The following PTDSS2 variants were observed in gnomAD, a reference collection of about 807,000 sequenced individuals.
PTDSS2 encodes the protein phosphatidylserine synthase 2.
Under a neutral mutation model 64.7 loss-of-function variants are expected in PTDSS2, and 41 were observed. The observed-to-expected ratio is 0.63, with a 90% CI of 0.49 to 0.82. PTDSS2 has a LOEUF of 0.82. Among genes scored for constraint, PTDSS2 ranks in the 40% least tolerant of loss-of-function variants. The pLI is 0.00. For missense variants in PTDSS2, 485 were observed against 650.0 expected (o/e 0.75, Z 2.76); for synonymous variants, 297 against 277.8 (o/e 1.07, Z -0.69).
At chr11:453,308 A>C (rs1023700223) in intron 1 of PTDSS2, among the ~76,000 whole-genome samples, 1 of 152,030 alleles carries the variant, frequency 6.6e-6, no homozygotes, top group East Asian at 1.9e-4. Context: ...CGGTCTGGAA[A>C]TTGTTTGGGA....
At chr11:483,823 C>T (rs374486065) in intron 4 of PTDSS2, among the ~76,000 whole-genome samples, 1 of 152,096 alleles carries the variant, frequency 6.6e-6, no homozygotes, top group Non-Finnish European at 1.5e-5. Context: ...GGATGTCTGA[C>T]GTTTTCTCAG....
At position 476,097 on chromosome 11, in the gene PTDSS2, G is replaced by A. The variant is rs1386886127; in HGVS notation, c.367+2120G>A. 2.6e-5 allele frequency among the ~76,000 whole-genome samples: 4 copies of A among 152,208 alleles called. No homozygotes were observed. The highest frequency in any genetic ancestry group is 4.8e-5 in the African/African-American group (2 of 41,456). ...AGGGAGCCGTCCGGTGACCCAAGCA[G>A]GCTGGTCTTGCTGGCCCCTTCCTTG... On this transcript the variant is annotated intron_variant, in intron 3 of 11. Transcript: ENST00000308020. The surrounding 1 kb of genome is among the most constrained non-coding windows in gnomAD (Gnocchi z 4.9).
At chr11:475,791 A>C (rs183923919) in intron 3 of PTDSS2, among the ~76,000 whole-genome samples, 87 of 152,356 alleles carry the variant, frequency 5.7e-4, no homozygotes, top group Non-Finnish European at 8.1e-4. Flanking sequence ...AGAATGTACT[A>C]CATTTAACTA....
intron 1 of PTDSS2, chr11:459,875 CTTAAT>C: frequency 2.7e-6 from 1 of 369,642 alleles, no homozygotes; most frequent in Non-Finnish European, 5.1e-6. Flanking sequence ...TCCAGTTGCT[CTTAAT>C]AGCAGATACC....
At position 489,888 on chromosome 11, in the gene PTDSS2, C is replaced by A; in HGVS notation, c.1121C>A (p.Pro374His). Reference protein sequence around the residue: ...EIYDFMDDPKPHKKLGPQAWL... With the variant: ...EIYDFMDDPKHHKKLGPQAWL... ...ACCCCCTGCTGCCCCTGCAGGAAGCCCCACAAGAAGCTGGGCCCGCAGGCC... is the reference window on the plus strand; with the variant it reads ...ACCCCCTGCTGCCCCTGCAGGAAGCACCACAAGAAGCTGGGCCCGCAGGCC... The change falls in exon 11 of 12, where the codon CCC (proline) becomes CAC (histidine). Residue 374 changes from proline (P) to histidine (H), a missense_variant. Transcript: ENST00000308020. The A allele has an allele frequency of 6.3e-7, 1 of 1,587,240 alleles. No homozygotes were observed. The highest frequency in any genetic ancestry group is 8.6e-7 in the Non-Finnish European group (1 of 1,169,216).
At chr11:489,059 C>G (rs1848541975) in intron 8 of PTDSS2, among the ~76,000 whole-genome samples, 1 of 152,276 alleles carries the variant, frequency 6.6e-6, no homozygotes. Flanking sequence ...TGCCCCGGCT[C>G]TGCCTGGCTC....
At chr11:448,598 G>A (rs961894650), upstream of PTDSS2, among the ~76,000 whole-genome samples, 6 of 152,198 alleles carry the variant, frequency 3.9e-5, no homozygotes, top group African/African-American at 1.4e-4. Flanking sequence ...GGCCAGGCCT[G>A]GGGAGGCCCA....
intron 5 of PTDSS2, 139 bp from the exon 6 acceptor site, chr11:487,281 A>G (rs1457964227): frequency 1.2e-5 from 12 of 974,776 alleles, no homozygotes; most frequent in African/African-American, 3.2e-5. Flanking sequence ...TGGTCTCCAC[A>G]GGCCACGGCA....
At chr11:488,781 G>C (rs1848525747) in intron 8 of PTDSS2, 134 bp downstream of exon 8, 3 of 689,908 alleles carry the variant, frequency 4.3e-6, no homozygotes, top group Non-Finnish European at 7.8e-6. Context: ...GTGGGGCTTT[G>C]CCTCCTGGAA....
chr11:469,976 T>C (rs1847343733), intron 2 of PTDSS2, among the ~76,000 whole-genome samples: 1 of 152,016 alleles, frequency 6.6e-6, no homozygotes, highest in Non-Finnish European at 1.5e-5. Context: ...AAAATAAACA[T>C]CCACGAGCCC....
At chr11:487,186 G>A in intron 5 of PTDSS2, 113 bp downstream of exon 5, 1 of 1,143,720 alleles carries the variant, frequency 8.7e-7, no homozygotes, top group Admixed American at 2.1e-5. Flanking sequence ...GGGGTCTCCT[G>A]GTGCAGAGAT....
chr11:488,126 G>A (rs1848485673), intron 6 of PTDSS2, 73 bp from the exon 7 acceptor site: 1 of 1,142,976 alleles, frequency 8.7e-7, no homozygotes, highest in Non-Finnish European at 1.3e-6. Context: ...GCCGGGGTGG[G>A]GGCTGCACGC....
intron 2 of PTDSS2, 148 bp from the exon 3 acceptor site, chr11:473,747 A>AGGCAAATGT (rs1199817836): frequency 1.5e-6 from 1 of 672,572 alleles, no homozygotes; most frequent in African/African-American, 1.8e-5. Context: ...CCCGCGGCGG[A>AGGCAAATGT]GTCGCCCAGC....
At chr11:450,248 C>T (rs1212054297), upstream of PTDSS2, 2 of 381,102 alleles carry the variant, frequency 5.2e-6, no homozygotes, top group Non-Finnish European at 9.2e-6. Flanking sequence ...GACCACAAGG[C>T]CCAGCATGCC....
chr11:489,994 C>T lies in PTDSS2; in HGVS notation c.1227C>T (p.Pro409=), dbSNP rs1227841695. 3 of 1,612,334 alleles carry T rather than the reference C, an allele frequency of 1.9e-6. No homozygotes were observed. Among genetic ancestry groups the T allele is most frequent in the Admixed American group, 1.7e-5 (1 of 60,024 alleles). The change falls in exon 11 of 12, where the codon CCC becomes CCT. Residue 409 remains proline (P), a synonymous_variant. Coordinates refer to ENST00000308020, the MANE Select transcript of PTDSS2 (RefSeq NM_030783.3). ...CCCACACGCTCACCCTGTCCCTGCC[C>T]TTCTACATCTCCCAGTGCTGGACCC... ...YDPHTLTLSL[P]FYISQCWTLG...
rs34809643 is a variant in PTDSS2 at position 488,541 on chromosome 11, G to A, written c.748G>A (p.Val250Met). ...CCCCTCCCTGCAGTGGATCATGGAC[G>A]TGCTCGTCTGCAACGGGCTGGGCAT... The part of the protein sequence containing the change: ...ECWWDHWIMD[V>M]LVCNGLGIYC... Residue 250 changes from valine (V) to methionine (M), a missense_variant, in exon 8 of 12, where the codon GTG becomes ATG. This residue lies in a region of PTDSS2 where 251 missense variants were observed against 348.0 expected (regional missense o/e 0.72). Transcript: ENST00000308020. The A allele has an allele frequency of 2.8e-3, 4,545 of 1,613,298 alleles. 8 individuals carry two copies. Among genetic ancestry groups the A allele is most frequent in the Admixed American group, 5.4e-3 (322 of 60,028 alleles).
intron 6 of PTDSS2, 108 bp from the exon 7 acceptor site, chr11:488,091 C>T: frequency 1.3e-6 from 1 of 763,444 alleles, no homozygotes; most frequent in Middle Eastern, 3.2e-4. Flanking sequence ...CCGGGCGTGG[C>T]CGGCGTCCCA....
At chr11:483,581 GT>G (rs201864384) in intron 4 of PTDSS2, among the ~76,000 whole-genome samples, 1,908 of 152,326 alleles carry the variant, frequency 0.013, 44 homozygotes, top group African/African-American at 0.043. Flanking sequence ...TCATATGGGT[GT>G]TTTTCCCCCT....
chr11:481,342 C>A (rs1219427965), intron 4 of PTDSS2, among the ~76,000 whole-genome samples: 1 of 152,150 alleles, frequency 6.6e-6, no homozygotes, highest in African/African-American at 2.4e-5. Flanking sequence ...GGGTCTCTTG[C>A]GTTTCCAAAT....
Sources: gnomAD v4.1 joint callset for allele counts (sites outside exome capture counted in the v4.1 genomes callset) on GRCh38, gnomAD v4.1.1 for gene constraint, gnomAD v4.1.1 regional missense constraint, Gnocchi (gnomAD v3.1) non-coding constraint, MANE v1.5 for transcripts, NCBI Gene and HGNC (gene_info 2026-07-23, HGNC 2026-07-21) for gene names.